NCOA1: variants seen among roughly 807,000 people sequenced by gnomAD.
NCOA1 encodes Hin-2 protein.
NCOA1 carries 35 observed loss-of-function variants against 150.9 expected under a neutral mutation model. The observed-to-expected ratio is 0.23, with a 90% CI of 0.18 to 0.31. The LOEUF is 0.31. NCOA1 is among the 10% of genes least tolerant of loss of function. The probability of loss-of-function intolerance (pLI) is 1.00; values close to 1 mark genes in which losing one functional copy is unlikely to be tolerated. For missense variants in NCOA1, 1,491 were observed against 1,749.3 expected, an observed-to-expected ratio of 0.85 and a Z score of 2.63; for synonymous variants, 590 against 630.0, an observed-to-expected ratio of 0.94 and a Z score of 0.95.
intron 17 of NCOA1, among the ~76,000 whole-genome samples, chr2:24,739,163 T>C (rs571023226): frequency 6.6e-6 from 1 of 152,238 alleles, no homozygotes; most frequent in African/African-American, 2.4e-5. Context: ...TTTGTTTGTT[T>C]TTGAGACAGT....
chr2:24,728,947 G>C (rs941569943), intron 16 of NCOA1, among the ~76,000 whole-genome samples: 1 of 152,210 alleles, frequency 6.6e-6, no homozygotes, highest in Non-Finnish European at 1.5e-5. Flanking sequence ...GTCATGTTTT[G>C]TGAAACTCCT....
intron 1 of NCOA1, among the ~76,000 whole-genome samples, chr2:24,519,705 A>G (rs1664345496): frequency 6.6e-6 from 1 of 151,410 alleles, no homozygotes; most frequent in Non-Finnish European, 1.5e-5. Context: ...CCTAATTACT[A>G]GTAGGCATAG....
At chr2:24,654,571 G>A (rs1318605454) in intron 4 of NCOA1, among the ~76,000 whole-genome samples, 1 of 152,174 alleles carries the variant, frequency 6.6e-6, no homozygotes, top group Non-Finnish European at 1.5e-5. Flanking sequence ...GGATTACTAA[G>A]ATGAGAAAGA....
At chr2:24,735,298 A>G (rs1263169250) in intron 17 of NCOA1, among the ~76,000 whole-genome samples, 1 of 152,150 alleles carries the variant, frequency 6.6e-6, no homozygotes, top group Non-Finnish European at 1.5e-5. Flanking sequence ...GTAATCTGCT[A>G]TTCATAATAT....
In NCOA1 at chr2:24,752,150, A is replaced by G; in HGVS notation, c.3875A>G (p.Asn1292Ser). 1 of 1,613,750 alleles carries G rather than the reference A, an allele frequency of 6.2e-7. No homozygotes were observed. Among genetic ancestry groups the G allele is most frequent in the Middle Eastern group, 1.7e-4 (1 of 6,050 alleles). Residue 1292 changes from asparagine (N) to serine (S), a missense_variant, in exon 20 of 23, where the codon AAC (asparagine) becomes AGC (serine). Asn to Ser is a conservative substitution (Grantham distance 46, BLOSUM62 1). Transcript: ENST00000348332. ...GCCTGGCAGCAAGGAGCGATAGGAAACAACAAGTAAGGGGGCAGTTTTTAT... is the reference window on the plus strand; with the variant it reads ...GCCTGGCAGCAAGGAGCGATAGGAAGCAACAAGTAAGGGGGCAGTTTTTAT... ...MKAWQQGAIG[N>S]NNVFSQAVQN...
intron 1 of NCOA1, among the ~76,000 whole-genome samples, chr2:24,522,036 A>G (rs1019754419): frequency 3.3e-5 from 5 of 151,996 alleles, no homozygotes; most frequent in African/African-American, 7.2e-5. Flanking sequence ...ACATATAATT[A>G]TATATTTTAT....
intron 3 of NCOA1, among the ~76,000 whole-genome samples, chr2:24,621,311 TA>T (rs1339942342): frequency 6.6e-6 from 1 of 152,116 alleles, no homozygotes; most frequent in Non-Finnish European, 1.5e-5. Flanking sequence ...CTGGTATATT[TA>T]AAATCTCTTG....
intron 1 of NCOA1, among the ~76,000 whole-genome samples, chr2:24,535,613 C>T (rs1180145014): frequency 6.6e-6 from 1 of 152,144 alleles, no homozygotes; most frequent in East Asian, 1.9e-4. Flanking sequence ...ATGTTTAGTG[C>T]TTCCTTCAGG....
intron 7 of NCOA1, among the ~76,000 whole-genome samples, chr2:24,680,425 A>G (rs956177987): frequency 6.6e-6 from 1 of 152,238 alleles, no homozygotes; most frequent in Non-Finnish European, 1.5e-5. Flanking sequence ...GTCATCTGCC[A>G]CAATATGTAT....
At chr2:24,538,299 A>G (rs192248479) in intron 1 of NCOA1, among the ~76,000 whole-genome samples, 374 of 152,354 alleles carry the variant, frequency 2.5e-3, no homozygotes, top group African/African-American at 8.6e-3. Flanking sequence ...TCATAGACTA[A>G]AATTGAGGCA....
chr2:24,738,939 A>G (rs962189821), intron 17 of NCOA1, among the ~76,000 whole-genome samples: 1 of 152,160 alleles, frequency 6.6e-6, no homozygotes, highest in Non-Finnish European at 1.5e-5. Flanking sequence ...ATTTTCCCCA[A>G]ATATGTATCC....
chr2:24,707,887 A>T lies in NCOA1; in HGVS notation c.2417A>T (p.Gln806Leu). ...GAAATAAAACTGGAGGCCCAGAGCC[A>T]GGTGGGTAACTGCTTGCTTCACAGA... Reference protein sequence around the residue: ...PEEIKLEAQSQFTADLDQFDQ... With the variant: ...PEEIKLEAQSLFTADLDQFDQ... The change falls in exon 13 of 23, where the codon CAG (glutamine) becomes CTG (leucine). Residue 806 changes from glutamine to leucine, a missense_variant and splice_region_variant. Transcript: ENST00000348332. The T allele has an allele frequency of 6.3e-7, 1 of 1,582,020 alleles. No homozygotes were observed. Among genetic ancestry groups the T allele is most frequent in the South Asian group, 1.2e-5 (1 of 84,466 alleles).
At chr2:24,534,815 A>G (rs891593709) in intron 1 of NCOA1, among the ~76,000 whole-genome samples, 1 of 152,150 alleles carries the variant, frequency 6.6e-6, no homozygotes, top group Non-Finnish European at 1.5e-5. Flanking sequence ...TCTGAGAGAC[A>G]GTTTGTTGTG....
intron 3 of NCOA1, among the ~76,000 whole-genome samples, chr2:24,642,411 C>T (rs927253180): frequency 1.3e-5 from 2 of 151,496 alleles, no homozygotes; most frequent in African/African-American, 4.8e-5. Flanking sequence ...CCTAAATCAT[C>T]TTGTGGTGTG....
intron 3 of NCOA1, among the ~76,000 whole-genome samples, chr2:24,591,068 A>G (rs1459213169): frequency 5.9e-5 from 9 of 152,200 alleles, no homozygotes; most frequent in Non-Finnish European, 8.8e-5. Context: ...AAATTATATC[A>G]TATGATCTAT....
At chr2:24,521,939 ATCCTG>A in intron 1 of NCOA1, among the ~76,000 whole-genome samples, 2 of 152,216 alleles carry the variant, frequency 1.3e-5, no homozygotes, top group Non-Finnish European at 2.9e-5. Flanking sequence ...GCTGTGGGAC[ATCCTG>A]TCTAGTATCC....
chr2:24,686,625 T>C (rs2148548649), intron 8 of NCOA1, among the ~76,000 whole-genome samples: 1 of 152,340 alleles, frequency 6.6e-6, no homozygotes, highest in South Asian at 2.1e-4. Context: ...ATGTGAGTGA[T>C]GCTGTTGTCT....
chr2:24,697,525 A>G (rs866266829), intron 10 of NCOA1, 133 bp from the exon 11 acceptor site: 1 of 827,418 alleles, frequency 1.2e-6, no homozygotes. Flanking sequence ...AATAAAAATT[A>G]ATAGTGCTTT....
At chr2:24,736,862 A>G (rs1663337282) in intron 17 of NCOA1, among the ~76,000 whole-genome samples, 1 of 152,190 alleles carries the variant, frequency 6.6e-6, no homozygotes, top group Non-Finnish European at 1.5e-5. Context: ...GTTTGGCAGA[A>G]TCACCCCTAG....
Sources: gnomAD v4.1 joint callset for allele counts (sites outside exome capture counted in the v4.1 genomes callset) on GRCh38, gnomAD v4.1.1 for gene constraint, MANE v1.5 for transcripts, NCBI Gene and HGNC (gene_info 2026-07-23, HGNC 2026-07-21) for gene names.